AGBL1: variants seen among roughly 807,000 people sequenced by gnomAD.
The protein encoded by AGBL1 is AGBL carboxypeptidase 1.
In AGBL1, 130 loss-of-function variants were observed where a neutral mutation model predicts 118.9. The observed-to-expected ratio is 1.09, with a 90% CI of 0.95 to 1.26. AGBL1 has a LOEUF of 1.26. AGBL1 is among the 50% of genes most tolerant of loss of function. The pLI is 0.00. For synonymous variants in AGBL1, 555 were observed against 478.9 expected, an observed-to-expected ratio of 1.16 and a Z score of -2.08; for missense variants, 1,584 against 1,298.1, an observed-to-expected ratio of 1.22 and a Z score of -3.38.
At chr15:86,627,139 T>C (rs2084900926) in intron 21 of AGBL1, among the ~76,000 whole-genome samples, 1 of 152,158 alleles carries the variant, frequency 6.6e-6, no homozygotes, top group Admixed American at 6.5e-5. Flanking sequence ...TAGCTGGGAT[T>C]ACAGGCATGC....
At chr15:86,856,402 C>G (rs754800230) in intron 22 of AGBL1, among the ~76,000 whole-genome samples, 1 of 152,194 alleles carries the variant, frequency 6.6e-6, no homozygotes, top group African/African-American at 2.4e-5. Flanking sequence ...AAAACCTTAT[C>G]TACATTTTAT....
chr15:86,994,489 A>T (rs976250938), intron 24 of AGBL1, among the ~76,000 whole-genome samples: 3 of 151,538 alleles, frequency 2.0e-5, no homozygotes, highest in Admixed American at 2.0e-4. Context: ...CTACCATACC[A>T]CTCTCCCTCA....
intron 5 of AGBL1, among the ~76,000 whole-genome samples, chr15:86,208,628 T>G (rs946574992): frequency 1.3e-5 from 2 of 152,214 alleles, no homozygotes; most frequent in African/African-American, 4.8e-5. Context: ...TAGTATTCTG[T>G]GACGGTAGTT....
intron 17 of AGBL1, among the ~76,000 whole-genome samples, chr15:86,357,200 A>C (rs1166983202): frequency 6.6e-6 from 1 of 152,222 alleles, no homozygotes; most frequent in African/African-American, 2.4e-5. Context: ...GGGCTGATGA[A>C]GGATTAAAGA....
At chr15:86,969,979 A>G (rs779504793) in intron 23 of AGBL1, among the ~76,000 whole-genome samples, 2 of 151,886 alleles carry the variant, frequency 1.3e-5, no homozygotes, top group Non-Finnish European at 2.9e-5. Context: ...GGGCTTCCTT[A>G]TAACTATAAG....
chr15:86,814,317 C>G (rs1285941501), intron 22 of AGBL1, among the ~76,000 whole-genome samples: 1 of 152,114 alleles, frequency 6.6e-6, no homozygotes, highest in African/African-American at 2.4e-5. Context: ...CATCCCAAAG[C>G]CATTCCCTCC....
At chr15:86,148,888 T>C (rs954102086) in intron 3 of AGBL1, among the ~76,000 whole-genome samples, 2 of 152,198 alleles carry the variant, frequency 1.3e-5, no homozygotes, top group Non-Finnish European at 2.9e-5. Context: ...AAAGGTCAAG[T>C]TACCCACAAA....
chr15:86,264,616 T>C lies in AGBL1; in HGVS notation c.1445T>C (p.Phe482Ser). The change falls in exon 11 of 23, where the codon TTT becomes TCT. Residue 482 changes from phenylalanine (F) to serine (S), a missense_variant. Coordinates refer to ENST00000614907, the MANE Select transcript of AGBL1 (RefSeq NM_001386094.1). ...TTCTGCCCAAGGATGAGTGCCTCCTTTTCTAATTCCACTAGGACTAGAGAA... is the reference window on the plus strand; with the variant it reads ...TTCTGCCCAAGGATGAGTGCCTCCTCTTCTAATTCCACTAGGACTAGAGAA... ...AIFCPRMSAS[F>S]SNSTRTREVV... 1 of 1,613,790 alleles carries C rather than the reference T, an allele frequency of 6.2e-7. No individual in the cohort carries two copies. The highest frequency in any genetic ancestry group is 1.1e-5 in the South Asian group (1 of 91,040).
chr15:86,114,496 C>G (rs1377018828), intron 1 of AGBL1, among the ~76,000 whole-genome samples: 1 of 152,178 alleles, frequency 6.6e-6, no homozygotes, highest in Non-Finnish European at 1.5e-5. Flanking sequence ...GAACTTAGCT[C>G]CTTATGGCCC....
At chr15:86,323,567 T>C (rs539000796) in intron 17 of AGBL1, among the ~76,000 whole-genome samples, 1 of 152,340 alleles carries the variant, frequency 6.6e-6, no homozygotes, top group South Asian at 2.1e-4. Context: ...GCAATTTGAC[T>C]AGAGACAAGG....
intron 23 of AGBL1, among the ~76,000 whole-genome samples, chr15:86,924,006 C>T (rs559304481): frequency 1.3e-5 from 2 of 152,182 alleles, no homozygotes; most frequent in Non-Finnish European, 2.9e-5. Flanking sequence ...TATATACATA[C>T]AAAAGCAGTC....
chr15:86,642,868 A>C (rs1352955871), intron 21 of AGBL1, among the ~76,000 whole-genome samples: 1 of 152,112 alleles, frequency 6.6e-6, no homozygotes, highest in African/African-American at 2.4e-5. Flanking sequence ...ATTTTATTTT[A>C]TTTTAATATT....
intron 18 of AGBL1, among the ~76,000 whole-genome samples, chr15:86,478,655 G>T (rs2039720786): frequency 6.6e-6 from 1 of 152,106 alleles, no homozygotes; most frequent in African/African-American, 2.4e-5. Context: ...TGGCCATACT[G>T]CCCAGGGTAA....
intron 19 of AGBL1, among the ~76,000 whole-genome samples, chr15:86,538,121 T>G (rs997765796): frequency 1.3e-5 from 2 of 152,196 alleles, no homozygotes; most frequent in African/African-American, 4.8e-5. Flanking sequence ...TATTGATACA[T>G]TCTATTGAGT....
chr15:86,310,230 AG>A (rs1314107613), intron 17 of AGBL1, among the ~76,000 whole-genome samples: 1 of 152,210 alleles, frequency 6.6e-6, no homozygotes, highest in East Asian at 1.9e-4. Flanking sequence ...TGTTCATAGT[AG>A]TCGCTTATGA....
At chr15:86,552,089 A>G (rs1357499142) in intron 20 of AGBL1, among the ~76,000 whole-genome samples, 1 of 152,188 alleles carries the variant, frequency 6.6e-6, no homozygotes, top group African/African-American at 2.4e-5. Context: ...TCAAACCCAT[A>G]AGATGTACAA....
chr15:86,243,826 T>C (rs1464807798), intron 6 of AGBL1, among the ~76,000 whole-genome samples: 1 of 151,914 alleles, frequency 6.6e-6, no homozygotes, highest in South Asian at 2.1e-4. Flanking sequence ...CTGGCCAACA[T>C]GGTGAAACCC....
intron 21 of AGBL1, among the ~76,000 whole-genome samples, chr15:86,598,817 GT>G (rs1410977857): frequency 6.6e-6 from 1 of 152,110 alleles, no homozygotes; most frequent in Admixed American, 6.6e-5. Flanking sequence ...AGATTTTGTT[GT>G]TCTGTAGACA....
chr15:86,800,209 C>T (rs1457177976), intron 22 of AGBL1, among the ~76,000 whole-genome samples: 1 of 152,008 alleles, frequency 6.6e-6, no homozygotes, highest in Non-Finnish European at 1.5e-5. Flanking sequence ...AATTAACCAA[C>T]ACATCATATT....
Sources: allele counts gnomAD v4.1 joint callset (sites outside exome capture counted in the v4.1 genomes callset), GRCh38; gene constraint gnomAD v4.1.1; transcripts MANE v1.5; gene names NCBI Gene and HGNC (gene_info 2026-07-23, HGNC 2026-07-21).